The following NECAP2 variants were observed in gnomAD, a reference collection of about 807,000 sequenced individuals.
The protein encoded by NECAP2 is adaptin ear-binding coat-associated protein 2.
Under a neutral mutation model 37.8 loss-of-function variants are expected in NECAP2, and 38 were observed. That is an observed-to-expected ratio of 1.01 (90% confidence interval 0.78 to 1.32). The LOEUF (loss-of-function observed/expected upper bound fraction) is 1.32, where lower values mean the gene tolerates loss of function less well. Ranked by LOEUF, NECAP2 falls within the 40% of genes most tolerant of loss-of-function variation. The pLI, the probability that NECAP2 is intolerant of heterozygous loss-of-function variation, is 0.00. For missense variants in NECAP2, 316 were observed against 334.5 expected, an observed-to-expected ratio of 0.94 and a Z score of 0.43; for synonymous variants, 121 against 127.7, an observed-to-expected ratio of 0.95 and a Z score of 0.35.
intron 6 of NECAP2, 142 bp from the exon 7 acceptor site, chr1:16,455,676 T>C: frequency 1.5e-6 from 1 of 660,460 alleles, no homozygotes; most frequent in East Asian, 2.7e-5. Flanking sequence ...CAAAAGCATG[T>C]CTGGTGTGGC....
intron 5 of NECAP2, 34 bp downstream of exon 5, chr1:16,449,235 G>C (rs1252969305): frequency 1.4e-6 from 2 of 1,478,654 alleles, no homozygotes; most frequent in Non-Finnish European, 1.9e-6. Flanking sequence ...GTGGTGACGT[G>C]ATACTTGTGG....
At chr1:16,443,972 A>G (rs1459046204) in intron 2 of NECAP2, among the ~76,000 whole-genome samples, 1 of 152,176 alleles carries the variant, frequency 6.6e-6, no homozygotes, top group Non-Finnish European at 1.5e-5. Flanking sequence ...CCTCAGGAAA[A>G]TGTGGGGGCC....
intron 7 of NECAP2, among the ~76,000 whole-genome samples, chr1:16,456,155 C>T (rs939106761): frequency 6.6e-6 from 1 of 151,810 alleles, no homozygotes; most frequent in African/African-American, 2.4e-5. Flanking sequence ...TCCTGAGTAG[C>T]TGGGATTACA....
intron 6 of NECAP2, among the ~76,000 whole-genome samples, chr1:16,453,867 C>T (rs1284103924): frequency 3.9e-5 from 6 of 152,058 alleles, no homozygotes; most frequent in Non-Finnish European, 8.8e-5. Context: ...GGCACTGGTA[C>T]GTATAGCATC....
chr1:16,454,966 G>T (rs374066740), intron 6 of NECAP2, among the ~76,000 whole-genome samples: 2 of 152,206 alleles, frequency 1.3e-5, no homozygotes, highest in Non-Finnish European at 2.9e-5. Context: ...AATGGAAACT[G>T]AAATGACCTG....
intron 7 of NECAP2, among the ~76,000 whole-genome samples, chr1:16,457,038 G>A (rs983544632): frequency 6.6e-6 from 1 of 152,168 alleles, no homozygotes; most frequent in African/African-American, 2.4e-5. Context: ...AAATAGTTTA[G>A]ACTATTCAGG....
intron 5 of NECAP2, chr1:16,450,465 A>T (rs1052920427): frequency 5.5e-6 from 1 of 180,804 alleles, no homozygotes; most frequent in Non-Finnish European, 1.2e-5. Flanking sequence ...TCAGGGCTGG[A>T]CTTACGATTT....
intron 6 of NECAP2, among the ~76,000 whole-genome samples, chr1:16,452,427 G>T (rs775902365): frequency 6.6e-6 from 1 of 152,146 alleles, no homozygotes; most frequent in Non-Finnish European, 1.5e-5. Context: ...GATCTGGAGA[G>T]GTTTCATGAA....
chr1:16,451,770 G>C (rs279782), intron 5 of NECAP2, 68 bp from the exon 6 acceptor site: 31 of 1,586,708 alleles, frequency 2.0e-5, no homozygotes, highest in Non-Finnish European at 2.6e-5. Context: ...GGCCCTCCTT[G>C]TGGGGTTTTC....
At chr1:16,448,981 C>T in intron 4 of NECAP2, 112 bp from the exon 5 acceptor site, 1 of 676,982 alleles carries the variant, frequency 1.5e-6, no homozygotes, top group Admixed American at 2.8e-5. Flanking sequence ...AGCACCCCGT[C>T]TCACTACGAG....
chr1:16,448,004 T>C, intron 3 of NECAP2, 30 bp downstream of exon 3: 1 of 1,613,868 alleles, frequency 6.2e-7, no homozygotes. Flanking sequence ...CTTCCTCCTC[T>C]TGGGAAAGGT....
chr1:16,453,930 A>AT (rs1267567278), intron 6 of NECAP2, among the ~76,000 whole-genome samples: 1 of 152,220 alleles, frequency 6.6e-6, no homozygotes, highest in Non-Finnish European at 1.5e-5. Context: ...GGCAGTTAGC[A>AT]TGTCAACAAA....
intron 7 of NECAP2, among the ~76,000 whole-genome samples, chr1:16,456,383 GGC>G (rs1299886376): frequency 1.3e-5 from 2 of 152,186 alleles, no homozygotes; most frequent in African/African-American, 4.8e-5. Flanking sequence ...TGCTTTGGGT[GGC>G]ACACGTCTTT....
chr1:16,458,777 C>CT, intron 7 of NECAP2, 65 bp from the exon 8 acceptor site: 1 of 1,574,516 alleles, frequency 6.4e-7, no homozygotes, highest in South Asian at 1.1e-5. Context: ...GAGAAACCAA[C>CT]TTTTATCTGC....
chr1:16,450,283 T>C, intron 5 of NECAP2: 1 of 384,700 alleles, frequency 2.6e-6, no homozygotes, highest in African/African-American at 2.2e-5. Context: ...TTGTTTTGTT[T>C]TGTTGTTTTT....
At chr1:16,446,624 A>G (rs2086767504) in intron 2 of NECAP2, among the ~76,000 whole-genome samples, 2 of 151,536 alleles carry the variant, frequency 1.3e-5, no homozygotes, top group South Asian at 4.1e-4. Context: ...AGCTCACTGC[A>G]GCCTCCAACT....
In NECAP2 at chr1:16,459,099, A is replaced by G. The variant is rs977980385; in HGVS notation, c.*209A>G. Reference sequence around the variant, plus strand: ...TTTCCTGGGATTCAAGTATGCAACCAGAACACAGGAGAAGAAAAGCTCCAG... The same window carrying G: ...TTTCCTGGGATTCAAGTATGCAACCGGAACACAGGAGAAGAAAAGCTCCAG... On this transcript the variant is annotated 3_prime_UTR_variant, in exon 8 of 8. Coordinates refer to ENST00000337132, the MANE Select transcript of NECAP2 (RefSeq NM_018090.5). The G allele has an allele frequency of 2.6e-6, 3 of 1,132,474 alleles. No homozygotes were observed. In the African/African-American group the frequency reaches 4.7e-5, roughly 18 times the overall value. 70.2% of individuals were successfully genotyped at this position (1,132,474 alleles called of 1,614,324 possible). A position where few individuals can be genotyped will look rare whatever the true frequency, so the allele number is the denominator to read the frequency against.
At chr1:16,445,917 C>CA (rs373485132) in intron 2 of NECAP2, among the ~76,000 whole-genome samples, 5 of 150,330 alleles carry the variant, frequency 3.3e-5, no homozygotes, top group South Asian at 2.1e-4. Flanking sequence ...GAAAAGAAAA[C>CA]AAAAAAAAGG....
intron 2 of NECAP2, among the ~76,000 whole-genome samples, chr1:16,447,639 C>A (rs1282536456): frequency 6.6e-6 from 1 of 152,230 alleles, no homozygotes. Flanking sequence ...GAATACCAAA[C>A]TGTGAGCTAA....
Sources: gnomAD v4.1 joint callset for allele counts (sites outside exome capture counted in the v4.1 genomes callset) on GRCh38, gnomAD v4.1.1 for gene constraint, MANE v1.5 for transcripts, NCBI Gene and HGNC (gene_info 2026-07-23, HGNC 2026-07-21) for gene names.